Variants in LRRC49 observed in about 807,000 individuals in gnomAD.
The protein encoded by LRRC49 is leucine rich repeat containing 49, also known as leucine-rich repeat-containing protein 49.
Under a neutral mutation model 83.3 loss-of-function variants are expected in LRRC49, and 50 were observed. The ratio of observed to expected loss-of-function variants is 0.60; its 90% CI spans 0.48 to 0.76. LRRC49 has a LOEUF of 0.76. Among genes scored for constraint, LRRC49 ranks in the 30% least tolerant of loss-of-function variants. The pLI is 0.00. For synonymous variants in LRRC49, 286 were observed against 283.3 expected (o/e 1.01, Z -0.10); for missense variants, 704 against 809.1 (o/e 0.87, Z 1.58).
Position 71,009,918 on chromosome 15 carries a change from A to G in LRRC49, c.1519A>G (p.Asn507Asp). 1 of 1,612,514 alleles carries G rather than the reference A, an allele frequency of 6.2e-7. No individual in the cohort carries two copies. The highest frequency in any genetic ancestry group is 8.5e-7 in the Non-Finnish European group (1 of 1,178,818). Reference sequence around the variant, plus strand: ...TGATCCTCAAGGAAATCCAGTTGTCAATTTTACACTCTGGAAATACTATGT... The same window carrying G: ...TGATCCTCAAGGAAATCCAGTTGTCGATTTTACACTCTGGAAATACTATGT... ...TIDPQGNPVV[N>D]FTLWKYYVLF... The change falls in exon 13 of 16, where the codon AAT (asparagine) becomes GAT (aspartate). Residue 507 changes from asparagine to aspartate, a missense_variant. By Grantham distance (23) the Asn-to-Asp change is conservative. This residue lies in a region of LRRC49 where 275 missense variants were observed against 338.0 expected (regional missense o/e 0.81). Transcript: ENST00000260382.
chr15:71,015,415 A>T (rs193250299), intron 14 of LRRC49, among the ~76,000 whole-genome samples: 1 of 152,270 alleles, frequency 6.6e-6, no homozygotes, highest in East Asian at 1.9e-4. Flanking sequence ...GGAGTGGGCA[A>T]CCAAGATCCC....
intron 14 of LRRC49, among the ~76,000 whole-genome samples, chr15:71,032,466 T>C (rs2039388852): frequency 6.6e-6 from 1 of 152,134 alleles, no homozygotes; most frequent in African/African-American, 2.4e-5. Flanking sequence ...CTTCCAAAAC[T>C]ATTCCAAACA....
chr15:70,955,537 A>G (rs1292309884), intron 8 of LRRC49, among the ~76,000 whole-genome samples: 1 of 152,232 alleles, frequency 6.6e-6, no homozygotes, highest in African/African-American at 2.4e-5. Context: ...ACAGGTGTCT[A>G]CTAGTTAGAC....
At chr15:70,893,028 T>C (rs1207666417) in intron 1 of LRRC49, 86 bp downstream of exon 1, 2 of 1,454,476 alleles carry the variant, frequency 1.4e-6, no homozygotes, top group Non-Finnish European at 1.9e-6. Context: ...GCTGTATTAT[T>C]AGGACCGGCA....
intron 7 of LRRC49, among the ~76,000 whole-genome samples, chr15:70,935,486 G>A (rs1254139408): frequency 2.0e-5 from 3 of 150,606 alleles, no homozygotes; most frequent in Admixed American, 6.6e-5. Context: ...GGAAAAGCTA[G>A]GTTTGTCAAT....
chr15:70,889,064 TACTATG>T (rs1412120853), upstream of LRRC49, among the ~76,000 whole-genome samples: 1 of 152,206 alleles, frequency 6.6e-6, no homozygotes, highest in African/African-American at 2.4e-5. Context: ...TTTAATGTAA[TACTATG>T]ACCCAGCAAT....
chr15:70,912,797 C>T (rs1040387005), intron 6 of LRRC49, among the ~76,000 whole-genome samples: 2 of 152,104 alleles, frequency 1.3e-5, no homozygotes, highest in African/African-American at 4.8e-5. Flanking sequence ...CTGCCTCAGC[C>T]TCCTGAGTAG....
intron 5 of LRRC49, among the ~76,000 whole-genome samples, chr15:70,909,186 T>A (rs1229172180): frequency 6.6e-6 from 1 of 152,182 alleles, no homozygotes; most frequent in Non-Finnish European, 1.5e-5. Flanking sequence ...TGATGTATAA[T>A]TTTCAAGGTG....
At chr15:70,925,443 A>G (rs1167412703) in intron 7 of LRRC49, among the ~76,000 whole-genome samples, 2 of 152,160 alleles carry the variant, frequency 1.3e-5, no homozygotes, top group African/African-American at 4.8e-5. Context: ...GTATTACTGA[A>G]GCTGTATTAC....
In LRRC49 at chr15:71,029,529, A is replaced by C. The variant is rs144275735; in HGVS notation, c.1704-7650A>C. On this transcript the variant is annotated intron_variant, in intron 14 of 15. Transcript: ENST00000260382. ...GGGGTGGAGAGTTCTGTGGATGTCT[A>C]TTAGGTTCGCTTGGTCCAGAGCTGA... Among the ~76,000 whole-genome samples the C allele has an allele frequency of 4.1e-3, 617 of 152,240 alleles. 7 individuals carry two copies. Among genetic ancestry groups the C allele is most frequent in the African/African-American group, 0.015 (607 of 41,542 alleles).
chr15:70,931,400 T>C (rs1328905699), intron 7 of LRRC49, among the ~76,000 whole-genome samples: 2 of 152,138 alleles, frequency 1.3e-5, no homozygotes, highest in Non-Finnish European at 2.9e-5. Context: ...TGATCACGGA[T>C]AATCATAACA....
chr15:70,892,805 G>C, upstream of LRRC49: 19 of 1,613,122 alleles, frequency 1.2e-5, no homozygotes, highest in Non-Finnish European at 1.5e-5. Flanking sequence ...CAGGTTGCCT[G>C]GGAGATGACC....
At chr15:70,993,896 G>A (rs1488430288) in intron 11 of LRRC49, among the ~76,000 whole-genome samples, 1 of 152,130 alleles carries the variant, frequency 6.6e-6, no homozygotes, top group African/African-American at 2.4e-5. Flanking sequence ...CCAGGCTGGA[G>A]GGCAGTGGTG....
At chr15:71,034,265 C>A (rs2039450489) in intron 14 of LRRC49, among the ~76,000 whole-genome samples, 1 of 151,870 alleles carries the variant, frequency 6.6e-6, no homozygotes, top group Non-Finnish European at 1.5e-5. Flanking sequence ...TTTATGTGGC[C>A]AACAAACATA....
rs548517873 is a variant in LRRC49 at position 71,010,711 on chromosome 15, C to G, written c.1593+719C>G. ...GCTAAGCTTGTCACAAGGTAATCCC[C>G]CAGCTACTCAAAAGCCATGTTCTTT... On this transcript the variant is annotated intron_variant, in intron 13 of 15. Coordinates refer to ENST00000260382, the MANE Select transcript of LRRC49 (RefSeq NM_017691.5). 1.8e-4 allele frequency among the ~76,000 whole-genome samples: 27 copies of G among 151,850 alleles called. No individual in the cohort carries two copies. In the East Asian group the frequency reaches 4.1e-3, roughly 23 times the overall value.
At chr15:70,904,954 C>T (rs988728852) in intron 5 of LRRC49, among the ~76,000 whole-genome samples, 199 bp downstream of exon 5, 5 of 152,212 alleles carry the variant, frequency 3.3e-5, no homozygotes, top group Non-Finnish European at 5.9e-5. Flanking sequence ...CACCAGATAA[C>T]GTTTATTATG....
intron 14 of LRRC49, among the ~76,000 whole-genome samples, chr15:71,034,368 A>G (rs1214899980): frequency 1.3e-5 from 2 of 152,218 alleles, no homozygotes; most frequent in African/African-American, 4.8e-5. Flanking sequence ...ACGATTATTA[A>G]AAAATCTAGA....
chr15:70,910,707 C>A (rs2141121237), intron 5 of LRRC49, among the ~76,000 whole-genome samples: 1 of 152,246 alleles, frequency 6.6e-6, no homozygotes, highest in African/African-American at 2.4e-5. Context: ...CTTGTGCGTA[C>A]AACTTATTCA....
intron 13 of LRRC49, among the ~76,000 whole-genome samples, chr15:71,010,457 A>G (rs1014003761): frequency 4.6e-5 from 7 of 151,888 alleles, no homozygotes; most frequent in African/African-American, 7.2e-5. Flanking sequence ...GAGGAAGAAG[A>G]TGACTTACAA....
Sources: allele counts gnomAD v4.1 joint callset (sites outside exome capture counted in the v4.1 genomes callset), GRCh38; gene constraint gnomAD v4.1.1; regional missense constraint gnomAD v4.1.1; transcripts MANE v1.5; gene names NCBI Gene and HGNC (gene_info 2026-07-23, HGNC 2026-07-21).